The following PTPRT variants were observed in gnomAD, a reference collection of about 807,000 sequenced individuals.
The protein encoded by PTPRT is receptor-type tyrosine-protein phosphatase T.
PTPRT carries 56 observed loss-of-function variants against 176.8 expected under a neutral mutation model. The ratio of observed to expected loss-of-function variants is 0.32; its 90% CI spans 0.26 to 0.40. The LOEUF is 0.40. PTPRT is among the 10% of genes least tolerant of loss of function. The pLI, the probability that PTPRT is intolerant of heterozygous loss-of-function variation, is 1.00. For synonymous variants in PTPRT, 783 were observed against 739.0 expected (o/e 1.06, Z -0.96); for missense variants, 1,540 against 1,908.2 (o/e 0.81, Z 3.60).
chr20:42,081,898 T>C lies in PTPRT; in HGVS notation c.4256A>G (p.Asn1419Ser). The part of the protein sequence containing the change: ...IVKTLRNNKS[N>S]MVETLEQYKF... ...GATACTCACCAGGGTCTCCACCATG[T>C]TGGATTTGTTGTTACGCAGTGTTTT... The change falls in exon 30 of 31, where the codon AAC (asparagine) becomes AGC (serine). Residue 1419 changes from asparagine to serine, a missense_variant. Asn to Ser is a conservative substitution (Grantham distance 46, BLOSUM62 1). This residue lies in a region of PTPRT where 342 missense variants were observed against 394.0 expected (regional missense o/e 0.87). Transcript: ENST00000373187. The C allele has an allele frequency of 6.2e-7, 1 of 1,614,172 alleles. No homozygotes were observed. The highest frequency in any genetic ancestry group is 8.5e-7 in the Non-Finnish European group (1 of 1,180,014).
At chr20:42,114,202 G>A (rs767131689) in intron 22 of PTPRT, among the ~76,000 whole-genome samples, 3 of 152,228 alleles carry the variant, frequency 2.0e-5, no homozygotes, top group Non-Finnish European at 4.4e-5. Flanking sequence ...GAGCCAAGGT[G>A]TGAATCCTGG....
chr20:42,075,691 GA>G lies in PTPRT; in HGVS notation c.*5187del, dbSNP rs1982702697. ...CCCTGGGCCTCACTTCTGTTGTGTA[GA>G]GCAGTCTTACTGGACTGATACCTCT... On this transcript the variant is annotated 3_prime_UTR_variant, in exon 31 of 31. Coordinates refer to ENST00000373187, the MANE Select transcript of PTPRT (RefSeq NM_007050.6). 9.5e-6 allele frequency: 2 copies of G among 210,720 alleles called. 1 individual carries two copies. Among genetic ancestry groups the G allele is most frequent in the South Asian group, 3.7e-4 (2 of 5,338 alleles). 13.1% of individuals were successfully genotyped at this position (210,720 alleles called of 1,614,324 possible). A position where few individuals can be genotyped will look rare whatever the true frequency, so the allele number is the denominator to read the frequency against.
At chr20:42,363,311 T>C (rs1439859385) in intron 9 of PTPRT, among the ~76,000 whole-genome samples, 1 of 105,692 alleles carries the variant, frequency 9.5e-6, no homozygotes, top group African/African-American at 3.8e-5. Context: ...TTTTTTTTTT[T>C]TTTTTTTTTT....
At chr20:42,223,262 C>T (rs968151890) in intron 15 of PTPRT, among the ~76,000 whole-genome samples, 3 of 152,184 alleles carry the variant, frequency 2.0e-5, no homozygotes, top group African/African-American at 7.2e-5. Context: ...AACCAGATGT[C>T]GTATATGCAT....
intron 16 of PTPRT, among the ~76,000 whole-genome samples, chr20:42,184,589 T>TTCTTCTTCTTCTTCC (rs1568652449): frequency 7.0e-6 from 1 of 143,442 alleles, no homozygotes; most frequent in Admixed American, 7.2e-5. Context: ...CTTCTTCTTC[T>TTCTTCTTCTTCTTCC]TCTTCCTCTT....
At chr20:42,776,546 C>T (rs902731963) in intron 4 of PTPRT, among the ~76,000 whole-genome samples, 2 of 152,116 alleles carry the variant, frequency 1.3e-5, no homozygotes, top group East Asian at 1.9e-4. Flanking sequence ...GGAGAAACTA[C>T]GGTGGCCAAC....
intron 16 of PTPRT, among the ~76,000 whole-genome samples, chr20:42,174,498 T>A (rs1273696694): frequency 6.6e-6 from 1 of 152,192 alleles, no homozygotes; most frequent in East Asian, 1.9e-4. Context: ...TAGATCCATG[T>A]GGACTCACCT....
chr20:43,048,381 T>C (rs924544203), intron 1 of PTPRT, among the ~76,000 whole-genome samples: 10 of 152,036 alleles, frequency 6.6e-5, no homozygotes, highest in Admixed American at 5.2e-4. Context: ...AGGCTAACTA[T>C]GGGTCCTAGG....
chr20:43,127,418 A>G (rs930438999), intron 1 of PTPRT, among the ~76,000 whole-genome samples: 3 of 140,876 alleles, frequency 2.1e-5, no homozygotes, highest in Admixed American at 7.4e-5. Flanking sequence ...GCGAGACTCC[A>G]TCTCAAAAAA....
intron 2 of PTPRT, among the ~76,000 whole-genome samples, chr20:42,872,805 T>C (rs1365639046): frequency 1.3e-5 from 2 of 152,190 alleles, no homozygotes; most frequent in Non-Finnish European, 2.9e-5. Context: ...TCCTTATTTT[T>C]AGATCCATTT....
At chr20:42,563,868 C>T (rs1243835903) in intron 7 of PTPRT, among the ~76,000 whole-genome samples, 1 of 152,188 alleles carries the variant, frequency 6.6e-6, no homozygotes, top group African/African-American at 2.4e-5. Flanking sequence ...AGATTTAACA[C>T]AAGAAAGATT....
chr20:42,571,216 T>G (rs746675950), intron 7 of PTPRT, among the ~76,000 whole-genome samples: 1 of 152,164 alleles, frequency 6.6e-6, no homozygotes, highest in Admixed American at 6.5e-5. Context: ...GACAGGGAAA[T>G]AATAATTCCT....
intron 7 of PTPRT, among the ~76,000 whole-genome samples, chr20:42,587,250 G>T (rs1017164309): frequency 2.0e-5 from 3 of 152,160 alleles, no homozygotes; most frequent in Non-Finnish European, 4.4e-5. Context: ...CAATTGCATT[G>T]TTTCCCACGG....
At chr20:42,037,038 A>G in the PTPRT span, among the ~76,000 whole-genome samples, 4 of 152,226 alleles carry the variant, frequency 2.6e-5, no homozygotes, top group African/African-American at 9.6e-5. Flanking sequence ...CCAGGTCCTC[A>G]TCATGGCCAG....
chr20:42,081,154 T>C (rs549722268), intron 30 of PTPRT, among the ~76,000 whole-genome samples: 2 of 152,160 alleles, frequency 1.3e-5, no homozygotes, highest in Non-Finnish European at 2.9e-5. Context: ...GCTGGCATCA[T>C]TCCCTTTCTT....
rs561893665 is a variant in PTPRT at position 42,767,324 on chromosome 20, C to G, written c.684+4111G>C. On this transcript the variant is annotated intron_variant, in intron 5 of 30. Coordinates refer to ENST00000373187, the MANE Select transcript of PTPRT (RefSeq NM_007050.6). ...CCTCCCCAGCGTGAATGGGCACCATCCAATCTTTGGAAGAATAGAACAGAA... is the reference window on the plus strand; with the variant it reads ...CCTCCCCAGCGTGAATGGGCACCATGCAATCTTTGGAAGAATAGAACAGAA... Among the ~76,000 whole-genome samples the G allele has an allele frequency of 7.0e-4, 106 of 152,236 alleles. 1 individual carries two copies. The South Asian group carries it at 7.9e-3, about 11-fold the overall frequency.
chr20:43,088,703 C>T (rs1414030231), intron 1 of PTPRT, among the ~76,000 whole-genome samples: 7 of 152,104 alleles, frequency 4.6e-5, no homozygotes, highest in Admixed American at 1.3e-4. Context: ...CACACTCTGC[C>T]GGGCCCATCT....
intron 13 of PTPRT, among the ~76,000 whole-genome samples, chr20:42,254,600 A>G (rs2056605754): frequency 6.6e-6 from 1 of 152,194 alleles, no homozygotes; most frequent in Admixed American, 6.5e-5. Context: ...TTCAAAGCTC[A>G]GAGCTGTATC....
At chr20:42,796,040 A>G (rs1008285985) in intron 2 of PTPRT, among the ~76,000 whole-genome samples, 1 of 152,184 alleles carries the variant, frequency 6.6e-6, no homozygotes, top group Non-Finnish European at 1.5e-5. Context: ...GTGCCATGCA[A>G]TCTCTGTTTT....
Sources: allele counts gnomAD v4.1 joint callset (sites outside exome capture counted in the v4.1 genomes callset), GRCh38; gene constraint gnomAD v4.1.1; regional missense constraint gnomAD v4.1.1; transcripts MANE v1.5; gene names NCBI Gene and HGNC (gene_info 2026-07-23, HGNC 2026-07-21).